The following GPM6A variants were observed in gnomAD, a reference collection of about 807,000 sequenced individuals.
The protein encoded by GPM6A is neuronal membrane glycoprotein M6-a.
GPM6A carries 7 observed loss-of-function variants against 32.1 expected under a neutral mutation model. The observed-to-expected ratio is 0.22, with a 90% CI of 0.12 to 0.41. The LOEUF (loss-of-function observed/expected upper bound fraction) is 0.41, where lower values mean the gene tolerates loss of function less well. GPM6A is among the 10% of genes least tolerant of loss of function. The pLI, the probability that GPM6A is intolerant of heterozygous loss-of-function variation, is 1.00. For missense variants in GPM6A, 235 were observed against 347.2 expected, an observed-to-expected ratio of 0.68 and a Z score of 2.57; for synonymous variants, 130 against 123.4, an observed-to-expected ratio of 1.05 and a Z score of -0.35.
intron 1 of GPM6A, among the ~76,000 whole-genome samples, chr4:175,734,160 ATT>A (rs571067488): frequency 0.018 from 2,207 of 122,636 alleles, 26 homozygotes; most frequent in South Asian, 0.035. Context: ...ATATATATAT[ATT>A]TTTTAATTTC....
At position 175,951,503 on chromosome 4, in the gene GPM6A, A is replaced by G. The variant is rs561993553; in HGVS notation, c.-23+50806T>C. On this transcript the variant is annotated intron_variant, in intron 1 of 7. Coordinates refer to the GPM6A transcript ENST00000280187. ...CCATCCTCATTACCTCTGACGGCGAAATAATCTCTTGAGGCTTCAGTGTCC... is the reference window on the plus strand; with the variant it reads ...CCATCCTCATTACCTCTGACGGCGAGATAATCTCTTGAGGCTTCAGTGTCC... Among the ~76,000 whole-genome samples, 9 of 152,312 alleles carry G rather than the reference A, an allele frequency of 5.9e-5. No homozygotes were observed. The South Asian group carries it at 1.9e-3, about 32-fold the overall frequency.
intron 1 of GPM6A, among the ~76,000 whole-genome samples, chr4:175,829,932 T>C (rs988775): frequency 0.97 from 147,028 of 152,046 alleles, 71,287 homozygotes; most frequent in East Asian, 1. Context: ...ATAAGATCAA[T>C]TTCTTATAAT....
At chr4:175,974,166 G>T (rs1579678045) in intron 1 of GPM6A, among the ~76,000 whole-genome samples, 1 of 152,014 alleles carries the variant, frequency 6.6e-6, no homozygotes, top group Non-Finnish European at 1.5e-5. Context: ...TGAAGTGGAG[G>T]TTGCAATGAG....
At chr4:175,990,016 T>A (rs1332226726) in intron 1 of GPM6A, among the ~76,000 whole-genome samples, 1 of 152,200 alleles carries the variant, frequency 6.6e-6, no homozygotes, top group Non-Finnish European at 1.5e-5. Context: ...TCATACCAGA[T>A]CATCCTCCTA....
chr4:175,936,390 C>A (rs1051562746), intron 1 of GPM6A, among the ~76,000 whole-genome samples: 5 of 136,274 alleles, frequency 3.7e-5, no homozygotes, highest in Admixed American at 3.6e-4. Flanking sequence ...CATACCTTTC[C>A]TTCATTGCAC....
chr4:175,850,899 C>T (rs1736233054), intron 1 of GPM6A, among the ~76,000 whole-genome samples: 1 of 150,534 alleles, frequency 6.6e-6, no homozygotes, highest in South Asian at 2.1e-4. Flanking sequence ...TTATTTGTAA[C>T]ATAAAATATG....
chr4:175,940,140 G>A (rs1172699883), intron 1 of GPM6A, among the ~76,000 whole-genome samples: 1 of 152,038 alleles, frequency 6.6e-6, no homozygotes, highest in South Asian at 2.1e-4. Flanking sequence ...AATAGGTAAG[G>A]TGACTTGGAG....
intron 1 of GPM6A, among the ~76,000 whole-genome samples, chr4:175,930,177 C>G (rs536701217): frequency 8.5e-5 from 13 of 152,176 alleles, no homozygotes; most frequent in African/African-American, 3.1e-4. Flanking sequence ...AAGTCGCTCT[C>G]AAACAAGGCA....
At chr4:175,717,719 C>A (rs138040205) in intron 1 of GPM6A, among the ~76,000 whole-genome samples, 399 of 152,232 alleles carry the variant, frequency 2.6e-3, no homozygotes, top group African/African-American at 8.9e-3. Flanking sequence ...CTGCATTAGA[C>A]AAAAATATCT....
intron 1 of GPM6A, among the ~76,000 whole-genome samples, chr4:175,827,679 G>A (rs980076376): frequency 1.3e-5 from 2 of 152,162 alleles, no homozygotes; most frequent in African/African-American, 4.8e-5. Context: ...GGTTTGGTCC[G>A]CATGATGTTC....
At chr4:175,644,737 A>G (rs192233504) in intron 4 of GPM6A, among the ~76,000 whole-genome samples, 46 of 152,244 alleles carry the variant, frequency 3.0e-4, no homozygotes, top group Non-Finnish European at 4.0e-4. Flanking sequence ...TTTATTACCT[A>G]TGGAAAAGTT....
At chr4:175,781,819 C>T (rs942947413) in intron 1 of GPM6A, among the ~76,000 whole-genome samples, 1 of 152,092 alleles carries the variant, frequency 6.6e-6, no homozygotes. Context: ...TAAAAGTTTA[C>T]CTTTGAATGT....
At chr4:175,701,333 C>A (rs369291599) in intron 2 of GPM6A, among the ~76,000 whole-genome samples, 26 of 152,304 alleles carry the variant, frequency 1.7e-4, no homozygotes, top group African/African-American at 6.3e-4. Context: ...ATTTCGAATA[C>A]AACTTTACAT....
At chr4:175,979,687 T>C (rs1424631927) in intron 1 of GPM6A, among the ~76,000 whole-genome samples, 2 of 152,150 alleles carry the variant, frequency 1.3e-5, no homozygotes, top group African/African-American at 4.8e-5. Flanking sequence ...ATGGCAAAAG[T>C]TCACAGGAAA....
rs200114623 is a variant in GPM6A, at chr4:175,900,332, G to A, written c.-22-88083C>T. Among the ~76,000 whole-genome samples, 13 of 50,446 alleles carry A rather than the reference G, an allele frequency of 2.6e-4. 1 individual carries two copies. The highest frequency in any genetic ancestry group is 1.4e-3 in the South Asian group (3 of 2,096). 33.1% of individuals were successfully genotyped at this position (50,446 alleles called of 152,430 possible). On this transcript the variant is annotated intron_variant, in intron 1 of 7. Transcript: ENST00000280187. Reference sequence around the variant, plus strand: ...GGAAAGGAAAGGAAAGGAAAGGAAAGGAAAGGAAAGGAAAGGAAAAGAAAG... The same window carrying A: ...GGAAAGGAAAGGAAAGGAAAGGAAAAGAAAGGAAAGGAAAGGAAAAGAAAG...
At chr4:175,661,434 CAA>C (rs3032612) in intron 3 of GPM6A, among the ~76,000 whole-genome samples, 44,785 of 111,800 alleles carry the variant, frequency 0.4, 7,576 homozygotes, top group Non-Finnish European at 0.48. Context: ...GACTCTGTCT[CAA>C]AAAAAAAAAA....
intron 1 of GPM6A, among the ~76,000 whole-genome samples, chr4:175,833,613 T>G (rs188242612): frequency 8.8e-4 from 134 of 152,226 alleles, no homozygotes; most frequent in African/African-American, 3.1e-3. Flanking sequence ...AGTAGAGTAA[T>G]TAAGATATAT....
chr4:175,906,175 A>G (rs1471773232), intron 1 of GPM6A, among the ~76,000 whole-genome samples: 1 of 152,170 alleles, frequency 6.6e-6, no homozygotes, highest in Non-Finnish European at 1.5e-5. Context: ...ATGTCACTGC[A>G]TCAGTGACAA....
At chr4:175,814,665 C>T (rs1735043971), upstream of GPM6A, among the ~76,000 whole-genome samples, 2 of 152,162 alleles carry the variant, frequency 1.3e-5, no homozygotes, top group Admixed American at 6.5e-5. Flanking sequence ...TCAACATCAA[C>T]TTGTACCAAT....
Sources: allele counts gnomAD v4.1 joint callset (sites outside exome capture counted in the v4.1 genomes callset), GRCh38; gene constraint gnomAD v4.1.1; transcripts MANE v1.5; gene names NCBI Gene and HGNC (gene_info 2026-07-23, HGNC 2026-07-21).